IL10RA: variants seen among roughly 807,000 people sequenced by gnomAD.
The protein encoded by IL10RA is interleukin 10 receptor subunit alpha.
IL10RA carries 18 observed loss-of-function variants against 29.6 expected under a neutral mutation model. That is an observed-to-expected ratio of 0.61 (90% CI 0.42 to 0.90). The LOEUF is 0.90. Among genes scored for constraint, IL10RA ranks in the 40% least tolerant of loss-of-function variants. The pLI, the probability that IL10RA is intolerant of heterozygous loss-of-function variation, is 0.00. For missense variants in IL10RA, 634 were observed against 716.6 expected (o/e 0.88, Z 1.32); for synonymous variants, 292 against 294.1 (o/e 0.99, Z 0.07).
chr11:117,995,474 A>G, intron 5 of IL10RA, 115 bp from the exon 6 acceptor site: 1 of 1,383,470 alleles, frequency 7.2e-7, no homozygotes, highest in Non-Finnish European at 1.0e-6. Flanking sequence ...GCCTTGGGCC[A>G]CTCACTGAAT....
In IL10RA at chr11:117,993,580, T is replaced by G. The variant is rs55685458; in HGVS notation, c.537+170T>G. 8.5e-4 allele frequency among the ~76,000 whole-genome samples: 129 copies of G among 152,314 alleles called. 1 individual carries two copies. Among genetic ancestry groups the G allele is most frequent in the African/African-American group, 2.3e-3 (95 of 41,574 alleles). Reference sequence around the variant, plus strand: ...GAAACCACCTCAGCCCTCAGAGCTATGCTCTTGTGAGATGCTCCTCAAAGG... The same window carrying G: ...GAAACCACCTCAGCCCTCAGAGCTAGGCTCTTGTGAGATGCTCCTCAAAGG... On this transcript the variant is annotated intron_variant, in intron 4 of 6. Coordinates refer to ENST00000227752, the MANE Select transcript of IL10RA (RefSeq NM_001558.4).
At position 117,999,356 on chromosome 11, in the gene IL10RA, G is replaced by A. The variant is rs139576148; in HGVS notation, c.1452G>A (p.Glu484=). ...GPKFGRCLVD[E]AGLHPPALAK... ...AATTCGGGAGATGCCTGGTTGATGAGGCAGGCTTGCATCCACCAGCCCTGG... is the reference window on the plus strand; with the variant it reads ...AATTCGGGAGATGCCTGGTTGATGAAGCAGGCTTGCATCCACCAGCCCTGG... The change falls in exon 7 of 7, where the codon GAG becomes GAA. Residue 484 remains glutamate, a synonymous_variant. Transcript: ENST00000227752. The A allele has an allele frequency of 8.9e-5, 143 of 1,614,170 alleles. No individual in the cohort carries two copies. Among genetic ancestry groups the A allele is most frequent in the Non-Finnish European group, 1.1e-4 (130 of 1,180,036 alleles).
In IL10RA at chr11:118,000,314, A is replaced by G; in HGVS notation, c.*673A>G. On this transcript the variant is annotated 3_prime_UTR_variant, in exon 7 of 7. Transcript: ENST00000227752. ...GGATGGGGCTTCCAGCTCAGAACCCATCCCTCTGGTGGGTACCTCTGGCAC... is the reference window on the plus strand; with the variant it reads ...GGATGGGGCTTCCAGCTCAGAACCCGTCCCTCTGGTGGGTACCTCTGGCAC... The G allele has an allele frequency of 2.2e-6, 1 of 454,222 alleles. No homozygotes were observed. The allele number at this position is 454,222 out of a possible 1,614,324, so 28.1% of individuals were successfully genotyped here.
In IL10RA at chr11:117,998,798, G is replaced by A. The variant is rs746502852; in HGVS notation, c.894G>A (p.Glu298=). The A allele has an allele frequency of 2.5e-6, 4 of 1,614,122 alleles. No individual in the cohort carries two copies. The highest frequency in any genetic ancestry group is 4.5e-5 in the East Asian group (2 of 44,870). ...ETQDTIHPLD[E]EAFLKVSPEL... is the part of the protein sequence containing the mutation. The stretch of plus-strand genomic sequence containing the variant: ...AAGACACCATCCACCCGCTTGATGA[G>A]GAGGCCTTTTTGAAGGTGTCCCCAG... The change falls in exon 7 of 7, where the codon GAG becomes GAA. Residue 298 remains glutamate, a synonymous_variant. Coordinates refer to ENST00000227752, the MANE Select transcript of IL10RA (RefSeq NM_001558.4).
intron 6 of IL10RA, among the ~76,000 whole-genome samples, chr11:117,998,212 A>G (rs2058068422): frequency 6.6e-6 from 1 of 152,242 alleles, no homozygotes; most frequent in African/African-American, 2.4e-5. Context: ...GCAGGAGGGC[A>G]TAGACTGGGA....
chr11:117,991,943 C>G lies in IL10RA; in HGVS notation c.368-1298C>G, dbSNP rs551940048. 6.6e-5 allele frequency among the ~76,000 whole-genome samples: 10 copies of G among 152,290 alleles called. No homozygotes were observed. In the East Asian group the frequency reaches 1.9e-3, roughly 29 times the overall value. ...AGAGATGGGGTTTCACCATGTTGGC[C>G]AGGCTGGTCTCGGACTCCTGACCTC... On this transcript the variant is annotated intron_variant, in intron 3 of 6. Coordinates refer to ENST00000227752, the MANE Select transcript of IL10RA (RefSeq NM_001558.4).
chr11:117,998,788 C>T lies in IL10RA; in HGVS notation c.884C>T (p.Pro295Leu), dbSNP rs56143179. The change falls in exon 7 of 7, where the codon CCG becomes CTG. Residue 295 changes from proline (P) to leucine (L), a missense_variant. Pro to Leu is a moderately conservative substitution (Grantham distance 98). Coordinates refer to ENST00000227752, the MANE Select transcript of IL10RA (RefSeq NM_001558.4). ...CCAGAGACCCAAGACACCATCCACC[C>T]GCTTGATGAGGAGGCCTTTTTGAAG... ...PSPETQDTIH[P>L]LDEEAFLKVS... 9.0e-4 allele frequency: 1,457 copies of T among 1,614,162 alleles called. 2 individuals are homozygous for T. The highest frequency in any genetic ancestry group is 1.1e-3 in the Non-Finnish European group (1,302 of 1,180,004).
In IL10RA at chr11:117,999,998, T is replaced by C; in HGVS notation, c.*357T>C. 2.1e-6 allele frequency: 1 copy of C among 477,384 alleles called. No homozygotes were observed. Among genetic ancestry groups the C allele is most frequent in the Non-Finnish European group, 4.1e-6 (1 of 242,918 alleles). The allele number at this position is 477,384 out of a possible 1,614,324, so 29.6% of individuals were successfully genotyped here. On this transcript the variant is annotated 3_prime_UTR_variant, in exon 7 of 7. Coordinates refer to ENST00000227752, the MANE Select transcript of IL10RA (RefSeq NM_001558.4). The stretch of plus-strand genomic sequence containing the variant: ...ACCATGGGGCTTTCTGGAGTTGTGG[T>C]GAGGCCACCAGGCTGAAGTCAGCTC...
chr11:117,998,867 T>G lies in IL10RA; in HGVS notation c.963T>G (p.Phe321Leu), dbSNP rs767695774. Residue 321 changes from phenylalanine to leucine, a missense_variant, in exon 7 of 7, where the codon TTT (phenylalanine) becomes TTG (leucine). Physicochemically the swap from Phe to Leu is conservative, Grantham distance 22. Coordinates refer to ENST00000227752, the MANE Select transcript of IL10RA (RefSeq NM_001558.4). ...LDLHGSTDSG[F>L]GSTKPSLQTE... ...TGCACGGCAGCACAGACAGTGGCTT[T>G]GGCAGCACCAAGCCATCCCTGCAGA... 1 of 1,614,208 alleles carries G rather than the reference T, an allele frequency of 6.2e-7. No individual in the cohort carries two copies. Among genetic ancestry groups the G allele is most frequent in the South Asian group, 1.1e-5 (1 of 91,084 alleles).
downstream of IL10RA, chr11:118,002,448 C>T (rs1175748380): frequency 6.6e-6 from 1 of 152,262 alleles, no homozygotes; most frequent in Non-Finnish European, 1.5e-5. Context: ...TAGAGCCCTC[C>T]TTGTCAATAT....
intron 6 of IL10RA, among the ~76,000 whole-genome samples, chr11:117,998,070 G>A (rs1378822158): frequency 6.6e-6 from 1 of 152,204 alleles, no homozygotes; most frequent in Non-Finnish European, 1.5e-5. Flanking sequence ...ACAGAGAGCA[G>A]CCCCTTCACT....
Position 117,989,925 on chromosome 11 carries a change from G to C in IL10RA, c.367+305G>C, listed in dbSNP as rs1336166263. On this transcript the variant is annotated intron_variant, in intron 3 of 6. Transcript: ENST00000227752. The surrounding 1 kb of genome is among the most constrained non-coding windows in gnomAD (Gnocchi z 4.5). ...TGTTTTTTCAGGGAGGGTTCAGGGAGAGGAAGCGAATCCATGAACACTCAG... is the reference window on the plus strand; with the variant it reads ...TGTTTTTTCAGGGAGGGTTCAGGGACAGGAAGCGAATCCATGAACACTCAG... 6.6e-6 allele frequency among the ~76,000 whole-genome samples: 1 copy of C among 152,156 alleles called. No individual in the cohort carries two copies. The highest frequency in any genetic ancestry group is 1.5e-5 in the Non-Finnish European group (1 of 68,026).
chr11:117,997,729 T>C (rs565288828), intron 6 of IL10RA, among the ~76,000 whole-genome samples: 1 of 152,230 alleles, frequency 6.6e-6, no homozygotes, highest in African/African-American at 2.4e-5. Flanking sequence ...AGTGAGTGTG[T>C]GTATGGTGAG....
At chr11:117,988,626 G>C in intron 2 of IL10RA, 124 bp downstream of exon 2, 1 of 1,110,946 alleles carries the variant, frequency 9.0e-7, no homozygotes, top group Non-Finnish European at 1.3e-6. Context: ...CTAACACATA[G>C]CCAGCAGTTG....
chr11:117,989,508 A>C lies in IL10RA; in HGVS notation c.255A>C (p.Ala85=). 6.2e-7 allele frequency: 1 copy of C among 1,614,180 alleles called. No homozygotes were observed. The highest frequency in any genetic ancestry group is 1.1e-5 in the South Asian group (1 of 91,084). ...AGACCCTGTCCTATGACCTTACCGCAGTGACCTTGGACCTGTACCACAGCA... is the reference window on the plus strand; with the variant it reads ...AGACCCTGTCCTATGACCTTACCGCCGTGACCTTGGACCTGTACCACAGCA... The part of the protein sequence containing the change: ...CSQTLSYDLT[A]VTLDLYHSNG... The change falls in exon 3 of 7, where the codon GCA becomes GCC. Residue 85 remains alanine (A), a synonymous_variant. Coordinates refer to ENST00000227752, the MANE Select transcript of IL10RA (RefSeq NM_001558.4). The surrounding 1 kb of genome is among the most constrained non-coding windows in gnomAD (Gnocchi z 4.5).
chr11:118,000,591 T>C lies in IL10RA; in HGVS notation c.*950T>C. Reference sequence around the variant, plus strand: ...CTTGTGTTTGCTGCTAATGTCCAGCTACAGACCCAGAGGATAAGCCACTGG... The same window carrying C: ...CTTGTGTTTGCTGCTAATGTCCAGCCACAGACCCAGAGGATAAGCCACTGG... On this transcript the variant is annotated 3_prime_UTR_variant, in exon 7 of 7. Transcript: ENST00000227752. 1 of 454,278 alleles carries C rather than the reference T, an allele frequency of 2.2e-6. No homozygotes were observed. The highest frequency in any genetic ancestry group is 4.4e-6 in the Non-Finnish European group (1 of 226,790). The allele number at this position is 454,278 out of a possible 1,614,324, so 28.1% of individuals were successfully genotyped here.
Position 117,993,222 on chromosome 11 carries a change from C to T in IL10RA, c.368-19C>T. The T allele has an allele frequency of 6.2e-7, 1 of 1,612,818 alleles. No homozygotes were observed. The highest frequency in any genetic ancestry group is 8.5e-7 in the Non-Finnish European group (1 of 1,178,898). ...CCCTCAAGTCTCATGGTATTCCCCC[C>T]CACCCCAACTCCATTTAGTGACTCT... On this transcript the variant is annotated intron_variant, in intron 3 of 6. Transcript: ENST00000227752.
At position 117,999,038 on chromosome 11, in the gene IL10RA, C is replaced by A. The variant is rs1349925285; in HGVS notation, c.1134C>A (p.Ser378Arg). The A allele has an allele frequency of 6.2e-7, 1 of 1,613,228 alleles. No individual in the cohort carries two copies. Among genetic ancestry groups the A allele is most frequent in the East Asian group, 2.2e-5 (1 of 44,862 alleles). ...TDSGICLQEP[S>R]LSPSTGPTWE... ...GCGGGATCTGCCTGCAGGAGCCCAG[C>A]CTGAGCCCCAGCACAGGGCCCACCT... Residue 378 changes from serine to arginine, a missense_variant, in exon 7 of 7, where the codon AGC (serine) becomes AGA (arginine). By Grantham distance (110) the Ser-to-Arg change is moderately radical. Coordinates refer to ENST00000227752, the MANE Select transcript of IL10RA (RefSeq NM_001558.4).
rs893753954 is a variant in IL10RA, at chr11:118,001,298, C to T, written c.*1657C>T. 2.2e-6 allele frequency: 1 copy of T among 454,158 alleles called. No homozygotes were observed. The highest frequency in any genetic ancestry group is 1.6e-5 in the South Asian group (1 of 64,480). The allele number at this position is 454,158 out of a possible 1,614,324, so 28.1% of individuals were successfully genotyped here. On this transcript the variant is annotated 3_prime_UTR_variant, in exon 7 of 7. Transcript: ENST00000227752. The stretch of plus-strand genomic sequence containing the variant: ...ACTTTGCTGTTTCCAGTGGTATGAC[C>T]TTGGAGAAGTCACTTATCCTCTTGG...
Sources: allele counts gnomAD v4.1 joint callset (sites outside exome capture counted in the v4.1 genomes callset), GRCh38; gene constraint gnomAD v4.1.1; non-coding constraint Gnocchi (gnomAD v3.1); transcripts MANE v1.5; gene names NCBI Gene and HGNC (gene_info 2026-07-23, HGNC 2026-07-21).